The following SGCZ variants were observed in gnomAD, a reference collection of about 807,000 sequenced individuals.
The protein encoded by SGCZ is zeta-sarcoglycan.
SGCZ carries 40 observed loss-of-function variants against 41.3 expected under a neutral mutation model. That is an observed-to-expected ratio of 0.97 (90% CI 0.75 to 1.26). The LOEUF (loss-of-function observed/expected upper bound fraction) is 1.26, where lower values mean the gene tolerates loss of function less well. Among genes scored for constraint, SGCZ ranks in the 50% most tolerant of loss-of-function variants. SGCZ has a pLI of 0.00. For missense variants in SGCZ, 552 were observed against 369.8 expected (o/e 1.49, Z -4.04); for synonymous variants, 206 against 137.5 (o/e 1.50, Z -3.49).
At chr8:14,125,273 G>C (rs1019142617) in intron 5 of SGCZ, among the ~76,000 whole-genome samples, 1 of 150,018 alleles carries the variant, frequency 6.7e-6, no homozygotes, top group East Asian at 1.9e-4. Context: ...CAAGGTCGAG[G>C]TGGGTGGTTC....
chr8:14,674,354 A>G (rs944833241), intron 1 of SGCZ, among the ~76,000 whole-genome samples: 1 of 152,258 alleles, frequency 6.6e-6, no homozygotes, highest in South Asian at 2.1e-4. Flanking sequence ...GGAAACTACT[A>G]TTGTTCAAAG....
At chr8:14,726,654 A>T (rs1207633888) in intron 1 of SGCZ, among the ~76,000 whole-genome samples, 7 of 151,960 alleles carry the variant, frequency 4.6e-5, no homozygotes, top group Admixed American at 4.6e-4. Context: ...AGAAATTGGG[A>T]GTATAAATAC....
chr8:14,557,874 C>T (rs768597584), intron 1 of SGCZ, among the ~76,000 whole-genome samples: 31 of 151,870 alleles, frequency 2.0e-4, no homozygotes, highest in Non-Finnish European at 3.4e-4. Context: ...AAATGAAACA[C>T]AAAGCTGGTT....
intron 1 of SGCZ, among the ~76,000 whole-genome samples, chr8:14,573,896 G>T (rs1161423058): frequency 6.6e-6 from 1 of 152,132 alleles, no homozygotes; most frequent in Non-Finnish European, 1.5e-5. Context: ...CTCTGAGAAG[G>T]TGAGTTCCTT....
At chr8:14,766,526 C>T (rs1288678221) in intron 1 of SGCZ, among the ~76,000 whole-genome samples, 1 of 151,864 alleles carries the variant, frequency 6.6e-6, no homozygotes, top group Non-Finnish European at 1.5e-5. Context: ...GACAATAATA[C>T]TTAATCCATT....
intron 4 of SGCZ, among the ~76,000 whole-genome samples, chr8:14,187,097 C>T (rs1296767120): frequency 2.0e-5 from 3 of 152,150 alleles, no homozygotes; most frequent in Non-Finnish European, 4.4e-5. Context: ...GCTGAGTACA[C>T]ATGCCTAAGA....
At chr8:14,215,686 GAAT>G (rs755648355) in intron 4 of SGCZ, among the ~76,000 whole-genome samples, 14 of 151,786 alleles carry the variant, frequency 9.2e-5, no homozygotes, top group Non-Finnish European at 1.8e-4. Flanking sequence ...TTAATCTTTA[GAAT>G]AATAAGATAT....
chr8:14,735,646 G>A (rs1221791925), intron 1 of SGCZ, among the ~76,000 whole-genome samples: 1 of 152,140 alleles, frequency 6.6e-6, no homozygotes, highest in Non-Finnish European at 1.5e-5. Context: ...ATGGCCTATA[G>A]TGAGACTTCA....
intron 5 of SGCZ, among the ~76,000 whole-genome samples, chr8:14,135,723 C>G (rs1252861277): frequency 6.6e-6 from 1 of 152,074 alleles, no homozygotes; most frequent in East Asian, 1.9e-4. Context: ...TACCAAACAT[C>G]TAAAAAATGA....
At chr8:14,981,980 T>C (rs1801676783) in intron 1 of SGCZ, among the ~76,000 whole-genome samples, 1 of 151,832 alleles carries the variant, frequency 6.6e-6, no homozygotes. Context: ...TGAAACCCCA[T>C]CTCTACTAAA....
chr8:14,782,683 G>A (rs539363831), intron 1 of SGCZ, among the ~76,000 whole-genome samples: 7,650 of 151,916 alleles, frequency 0.05, 269 homozygotes, highest in Non-Finnish European at 0.076. Context: ...GATGGTTATA[G>A]AAAAAAAATT....
At chr8:14,538,229 T>C (rs961720705) in intron 2 of SGCZ, among the ~76,000 whole-genome samples, 7 of 152,000 alleles carry the variant, frequency 4.6e-5, no homozygotes, top group African/African-American at 1.4e-4. Context: ...ATCATGTCTC[T>C]GAATGCTTTT....
intron 2 of SGCZ, among the ~76,000 whole-genome samples, chr8:14,515,656 T>A (rs1369369745): frequency 6.6e-6 from 1 of 152,122 alleles, no homozygotes; most frequent in Non-Finnish European, 1.5e-5. Context: ...TAAGTTTATG[T>A]GAGTGAAAAT....
intron 1 of SGCZ, among the ~76,000 whole-genome samples, chr8:15,100,175 G>T (rs1381349874): frequency 1.3e-5 from 2 of 152,104 alleles, no homozygotes; most frequent in Non-Finnish European, 2.9e-5. Context: ...TGAATTTTCG[G>T]ATGACTTGAT....
At chr8:15,078,411 T>C (rs1456775366) in intron 1 of SGCZ, among the ~76,000 whole-genome samples, 1 of 151,944 alleles carries the variant, frequency 6.6e-6, no homozygotes, top group Non-Finnish European at 1.5e-5. Flanking sequence ...ACTCTCTATC[T>C]CAGGTCAGGA....
chr8:14,276,522 G>A (rs761139296), intron 3 of SGCZ, among the ~76,000 whole-genome samples: 6 of 152,126 alleles, frequency 3.9e-5, no homozygotes, highest in Non-Finnish European at 7.4e-5. Context: ...TACCTCAACT[G>A]TTAATAATTC....
chr8:14,886,243 A>C (rs1664700652), intron 1 of SGCZ, among the ~76,000 whole-genome samples: 1 of 151,738 alleles, frequency 6.6e-6, no homozygotes, highest in Non-Finnish European at 1.5e-5. Flanking sequence ...AGGGCCTTCT[A>C]TGTATCAGAT....
chr8:14,714,173 T>A (rs1464128402), intron 1 of SGCZ, among the ~76,000 whole-genome samples: 1 of 152,116 alleles, frequency 6.6e-6, no homozygotes, highest in Admixed American at 6.6e-5. Flanking sequence ...TTCACCATGT[T>A]GGCCAGGCTG....
chr8:14,364,041 C>T (rs1242868147), intron 2 of SGCZ, among the ~76,000 whole-genome samples: 1 of 152,134 alleles, frequency 6.6e-6, no homozygotes, highest in Admixed American at 6.5e-5. Context: ...CCTATAATCT[C>T]TAATTATTTT....
Sources: allele counts gnomAD v4.1 joint callset (sites outside exome capture counted in the v4.1 genomes callset), GRCh38; gene constraint gnomAD v4.1.1; transcripts MANE v1.5; gene names NCBI Gene and HGNC (gene_info 2026-07-23, HGNC 2026-07-21).